MAEL: variants seen among roughly 807,000 people sequenced by gnomAD.
MAEL encodes the protein protein maelstrom homolog.
Under a neutral mutation model 62.0 loss-of-function variants are expected in MAEL, and 46 were observed. The ratio of observed to expected loss-of-function variants is 0.74; its 90% CI spans 0.59 to 0.95. MAEL has a LOEUF of 0.95. Ranked by LOEUF, MAEL falls within the 40% of genes least tolerant of loss-of-function variation. The pLI, the probability that MAEL is intolerant of heterozygous loss-of-function variation, is 0.00. For synonymous variants in MAEL, 172 were observed against 175.5 expected (o/e 0.98, Z 0.16); for missense variants, 497 against 526.8 (o/e 0.94, Z 0.55).
At chr1:166,992,542 T>C (rs1433515563) in intron 3 of MAEL, 144 bp from the exon 4 acceptor site, 1 of 561,782 alleles carries the variant, frequency 1.8e-6, no homozygotes, top group Non-Finnish European at 3.0e-6. Flanking sequence ...CTGATTGGTT[T>C]TCTCTTTTCC....
chr1:167,001,868 G>A (rs12757615), intron 5 of MAEL, among the ~76,000 whole-genome samples: 17,442 of 152,246 alleles, frequency 0.11, 1,363 homozygotes, highest in Middle Eastern at 0.17. Context: ...TATAGCCTCT[G>A]CCTACCAGGC....
upstream of MAEL, among the ~76,000 whole-genome samples, chr1:166,985,540 G>A (rs71630370): frequency 0.055 from 8,396 of 152,246 alleles, 331 homozygotes; most frequent in Non-Finnish European, 0.077. Context: ...GGAATATCAA[G>A]TACAGTACTC....
chr1:167,020,922 A>G (rs982405019), intron 10 of MAEL, among the ~76,000 whole-genome samples, 163 bp from the exon 11 acceptor site: 1 of 152,132 alleles, frequency 6.6e-6, no homozygotes, highest in African/African-American at 2.4e-5. Flanking sequence ...TCCAAAGTCT[A>G]TCCTATTTTC....
At position 166,981,710 on chromosome 1, in the gene MAEL, T is replaced by C. The variant is rs555393372; in HGVS notation, c.-121+6044T>C. Among the ~76,000 whole-genome samples, 54 of 152,206 alleles carry C rather than the reference T, an allele frequency of 3.5e-4. 1 individual carries two copies. The highest frequency in any genetic ancestry group is 1.2e-3 in the Admixed American group (18 of 15,282). On this transcript the variant is annotated intron_variant, in intron 1 of 12. Coordinates refer to the MAEL transcript ENST00000622874. ...GGGGCAGAAAGGGAGCAGGAGGTAG[T>C]ACAGATGCACAAGCAATAGGCAGAG...
At chr1:167,017,717 GT>G (rs1665454323) in intron 9 of MAEL, 109 bp from the exon 10 acceptor site, 1 of 1,005,280 alleles carries the variant, frequency 9.9e-7, no homozygotes. Flanking sequence ...TTTTTTCCCA[GT>G]TTATAACAGT....
At chr1:166,994,974 A>ATTTTTTTT (rs944951589) in intron 5 of MAEL, among the ~76,000 whole-genome samples, 1 of 110,192 alleles carries the variant, frequency 9.1e-6, no homozygotes, top group Non-Finnish European at 1.9e-5. Context: ...CCACCCAGTA[A>ATTTTTTTT]TTTTTTTTTT....
chr1:166,976,071 G>A (rs988762149), intron 1 of MAEL, among the ~76,000 whole-genome samples: 2 of 152,186 alleles, frequency 1.3e-5, no homozygotes, highest in African/African-American at 4.8e-5. Flanking sequence ...AAAAAGGTAG[G>A]CGGGAATCTC....
Position 167,021,081 on chromosome 1 carries a change from A to G in MAEL, c.1042-4A>G, listed in dbSNP as rs1337107659. 4 of 1,606,418 alleles carry G rather than the reference A, an allele frequency of 2.5e-6. No individual in the cohort carries two copies. In the South Asian group the frequency reaches 3.3e-5, roughly 13 times the overall value. ...TCCCCCTGGTATTTTCCTGTTACTT[A>G]CAGAAGCTAAGGGTTGGGAGTTCAG... On this transcript the variant is annotated splice_polypyrimidine_tract_variant and splice_region_variant and intron_variant, in intron 10 of 11. Transcript: ENST00000367872.
intron 5 of MAEL, among the ~76,000 whole-genome samples, chr1:167,000,778 C>T (rs1119091): frequency 0.022 from 3,316 of 152,274 alleles, 64 homozygotes; most frequent in East Asian, 0.13. Context: ...AACATCAAGA[C>T]AGGATCTTCC....
chr1:167,015,763 C>A (rs1023959916), intron 8 of MAEL, among the ~76,000 whole-genome samples: 13 of 152,086 alleles, frequency 8.5e-5, no homozygotes, highest in African/African-American at 2.9e-4. Flanking sequence ...AAATAAAGTT[C>A]TATCCTTAGA....
chr1:166,994,705 C>G (rs1423557291), intron 5 of MAEL, among the ~76,000 whole-genome samples: 2 of 131,396 alleles, frequency 1.5e-5, no homozygotes, highest in Admixed American at 8.4e-5. Context: ...GAGCCTTGCT[C>G]TGTCACCAGG....
intron 5 of MAEL, among the ~76,000 whole-genome samples, chr1:166,995,246 TG>T (rs1436529732): frequency 2.0e-5 from 3 of 152,004 alleles, no homozygotes; most frequent in African/African-American, 7.2e-5. Flanking sequence ...GTTCCTTTTT[TG>T]TTTTTTTTTG....
chr1:166,978,925 A>T (rs1663676985), intron 1 of MAEL, among the ~76,000 whole-genome samples: 2 of 152,244 alleles, frequency 1.3e-5, no homozygotes, highest in African/African-American at 2.4e-5. Flanking sequence ...AGGAAGCCAC[A>T]GCTGGGATTG....
intron 8 of MAEL, among the ~76,000 whole-genome samples, chr1:167,013,762 G>A (rs1049397454): frequency 6.6e-6 from 1 of 152,202 alleles, no homozygotes; most frequent in Non-Finnish European, 1.5e-5. Flanking sequence ...AGTGGGGATT[G>A]TTAACTGATG....
intron 8 of MAEL, among the ~76,000 whole-genome samples, chr1:167,007,493 C>T (rs1664967387): frequency 6.6e-6 from 1 of 151,578 alleles, no homozygotes; most frequent in South Asian, 2.1e-4. Flanking sequence ...GGTAGGTGTG[C>T]TCATTTCTTA....
intron 10 of MAEL, 39 bp downstream of exon 10, chr1:167,017,998 C>T: frequency 6.3e-7 from 1 of 1,592,304 alleles, no homozygotes; most frequent in Non-Finnish European, 8.6e-7. Context: ...GTCTCTTTAG[C>T]TGTTCTACTC....
chr1:167,003,057 A>G (rs1191776510), intron 5 of MAEL, among the ~76,000 whole-genome samples: 1 of 152,146 alleles, frequency 6.6e-6, no homozygotes, highest in Non-Finnish European at 1.5e-5. Flanking sequence ...TCCCTAATCT[A>G]TCATTAGAAG....
rs1294995914 is a variant in MAEL at position 166,989,802 on chromosome 1, A to C, written c.198A>C (p.Gly66=). ...EMAREWRAAQ[G]KDPGPSEKQK... ...CTCGAGAATGGAGGGCCGCTCAGGGAAAGGACCCTGGGCCCTCAGAGAAGC... is the reference window on the plus strand; with the variant it reads ...CTCGAGAATGGAGGGCCGCTCAGGGCAAGGACCCTGGGCCCTCAGAGAAGC... Residue 66 remains glycine (G), a synonymous_variant, in exon 2 of 12, where the codon GGA becomes GGC. Transcript: ENST00000367872. 1 of 1,613,670 alleles carries C rather than the reference A, an allele frequency of 6.2e-7. No homozygotes were observed. Among genetic ancestry groups the C allele is most frequent in the Non-Finnish European group, 8.5e-7 (1 of 1,179,920 alleles).
intron 5 of MAEL, among the ~76,000 whole-genome samples, chr1:167,000,123 C>G (rs894272906): frequency 7.2e-5 from 11 of 152,162 alleles, no homozygotes; most frequent in Non-Finnish European, 1.3e-4. Flanking sequence ...TTTCAACTTT[C>G]AAGTCTTATT....
Sources: allele counts gnomAD v4.1 joint callset (sites outside exome capture counted in the v4.1 genomes callset), GRCh38; gene constraint gnomAD v4.1.1; transcripts MANE v1.5; gene names NCBI Gene and HGNC (gene_info 2026-07-23, HGNC 2026-07-21).